Variants in EVL observed in about 807,000 individuals in gnomAD.
EVL encodes Enah/Vasp-like.
A neutral mutation model predicts 59.6 loss-of-function variants in EVL; 21 were observed. The ratio of observed to expected loss-of-function variants is 0.35; its 90% CI spans 0.25 to 0.51. EVL has a LOEUF of 0.51. EVL is among the 20% of genes least tolerant of loss of function. EVL has a pLI of 0.97. For missense variants in EVL, 462 were observed against 546.6 expected (o/e 0.85, Z 1.54); for synonymous variants, 198 against 203.5 (o/e 0.97, Z 0.23).
At chr14:99,996,354 G>A (rs1013363027) in intron 1 of EVL, among the ~76,000 whole-genome samples, 1 of 152,052 alleles carries the variant, frequency 6.6e-6, no homozygotes, top group Non-Finnish European at 1.5e-5. Context: ...GGAGGATCTG[G>A]TGTTTTCTAT....
At chr14:100,070,921 G>A (rs980447988) in intron 1 of EVL, among the ~76,000 whole-genome samples, 2 of 152,202 alleles carry the variant, frequency 1.3e-5, no homozygotes, top group South Asian at 2.1e-4. Flanking sequence ...TAACGTCCAC[G>A]TGGCTGTCAG....
Position 100,130,964 on chromosome 14 carries a change from G to T in EVL, c.839+1280G>T, listed in dbSNP as rs1333217452. ...CACAAAGGCGAATGGCTCCGTGGGT[G>T]AGAGAGCCGGGAGGGCTCGCAGAAC... On this transcript the variant is annotated intron_variant, in intron 7 of 13. Transcript: ENST00000392920. This position sits in a 1 kb window ranked among gnomAD's most constrained non-coding sequence, Gnocchi z 4.8. 6.6e-6 allele frequency among the ~76,000 whole-genome samples: 1 copy of T among 152,236 alleles called. No individual in the cohort carries two copies. The highest frequency in any genetic ancestry group is 1.5e-5 in the Non-Finnish European group (1 of 68,052).
chr14:100,043,727 C>T (rs1025302221), intron 1 of EVL, among the ~76,000 whole-genome samples: 2 of 151,826 alleles, frequency 1.3e-5, no homozygotes, highest in African/African-American at 2.4e-5. Context: ...ATCCTCCCAC[C>T]TCAGCCTCCC....
At chr14:100,030,777 T>C (rs969559207) in intron 1 of EVL, among the ~76,000 whole-genome samples, 23 of 152,246 alleles carry the variant, frequency 1.5e-4, no homozygotes, top group Non-Finnish European at 1.5e-5. Context: ...GTTTTCTGGC[T>C]AACTGTGATA....
chr14:100,039,816 C>T (rs1413583988), intron 1 of EVL, among the ~76,000 whole-genome samples: 2 of 151,848 alleles, frequency 1.3e-5, no homozygotes, highest in African/African-American at 4.8e-5. Context: ...GACAGGGTCT[C>T]GCTCTGTTAC....
intron 3 of EVL, among the ~76,000 whole-genome samples, chr14:100,123,229 G>A (rs1219954743): frequency 6.6e-6 from 1 of 152,172 alleles, no homozygotes; most frequent in Non-Finnish European, 1.5e-5. Flanking sequence ...CAAGAAGGTC[G>A]AAGCAGTGAG....
intron 3 of EVL, among the ~76,000 whole-genome samples, chr14:100,121,376 C>G (rs1887687397): frequency 6.6e-6 from 1 of 152,198 alleles, no homozygotes; most frequent in Non-Finnish European, 1.5e-5. Flanking sequence ...CACAGTTACC[C>G]TGGGTGACAT....
Position 100,128,570 on chromosome 14 carries a change from C to T in EVL, c.539C>T (p.Ser180Leu). Residue 180 changes from serine (S) to leucine (L), a missense_variant, in exon 6 of 14, where the codon TCA becomes TTA. Ser to Leu is a moderately radical substitution (Grantham distance 145). Transcript: ENST00000392920. Reference sequence around the variant, plus strand: ...TCATCTGCAGCCAGCGCCCCCGTCTCATGTAGTGGGCCTCCACCGCCCCCC... The same window carrying T: ...TCATCTGCAGCCAGCGCCCCCGTCTTATGTAGTGGGCCTCCACCGCCCCCC... ...HPSSAASAPV[S>L]CSGPPPPPPP... The T allele has an allele frequency of 6.2e-7, 1 of 1,609,348 alleles. No individual in the cohort carries two copies. Among genetic ancestry groups the T allele is most frequent in the South Asian group, 1.1e-5 (1 of 90,904 alleles).
chr14:100,143,544 T>C (rs564133455), intron 13 of EVL, among the ~76,000 whole-genome samples, 157 bp from the exon 14 acceptor site: 9 of 152,246 alleles, frequency 5.9e-5, no homozygotes, highest in East Asian at 5.8e-4. Context: ...CCTTTGGTCA[T>C]CACCCCAGAG....
At chr14:99,982,246 A>G (rs974746506) in intron 1 of EVL, among the ~76,000 whole-genome samples, 8 of 152,196 alleles carry the variant, frequency 5.3e-5, no homozygotes, top group African/African-American at 1.9e-4. Context: ...TACATTTGAT[A>G]TATGTGCACT....
chr14:100,124,454 C>T (rs1887900374), intron 4 of EVL, among the ~76,000 whole-genome samples: 1 of 152,248 alleles, frequency 6.6e-6, no homozygotes, highest in Non-Finnish European at 1.5e-5. Context: ...AGTTCCTGCT[C>T]CAAGCCTCCG....
intron 3 of EVL, among the ~76,000 whole-genome samples, chr14:100,116,683 A>T (rs1191623549): frequency 1.3e-5 from 2 of 152,252 alleles, no homozygotes; most frequent in African/African-American, 4.8e-5. Flanking sequence ...GATGGATCGC[A>T]GAGCAGGGAT....
chr14:100,027,380 AT>A (rs1300438297), intron 1 of EVL, among the ~76,000 whole-genome samples: 2 of 152,106 alleles, frequency 1.3e-5, no homozygotes, highest in Non-Finnish European at 2.9e-5. Context: ...GTACCCACTA[AT>A]TATCCCTCTT....
At chr14:100,107,527 C>T in intron 3 of EVL, 1 of 384,750 alleles carries the variant, frequency 2.6e-6, no homozygotes, top group Non-Finnish European at 4.6e-6. Flanking sequence ...GCCCAACGTT[C>T]CTCCACTAGC....
At chr14:100,000,780 A>G (rs907777338) in intron 1 of EVL, among the ~76,000 whole-genome samples, 3 of 152,256 alleles carry the variant, frequency 2.0e-5, no homozygotes, top group South Asian at 4.1e-4. Context: ...CCTTTTGCTT[A>G]GTGAATTTGG....
In EVL at chr14:100,050,531, A is replaced by G. The variant is rs184420804; in HGVS notation, c.6-34156A>G. 1.6e-4 allele frequency among the ~76,000 whole-genome samples: 24 copies of G among 151,862 alleles called. No individual in the cohort carries two copies. The East Asian group carries it at 3.1e-3, about 20-fold the overall frequency. ...CACCCAGCTAATTTATTGTATTTTT[A>G]GTAGAGACGGGGTTTCACCGTGGTC... On this transcript the variant is annotated intron_variant, in intron 1 of 13. Transcript: ENST00000402714.
rs1566721273 is a variant in EVL, at chr14:100,127,948, C to T, written c.488-571C>T. Among the ~76,000 whole-genome samples the T allele has an allele frequency of 6.6e-6, 1 of 152,240 alleles. No individual in the cohort carries two copies. The highest frequency in any genetic ancestry group is 1.5e-5 in the Non-Finnish European group (1 of 68,038). ...TTTTCCTCAGCACCATACCCAGCACCTAGCACAGTGCCTGGCACAAAACAG... is the reference window on the plus strand; with the variant it reads ...TTTTCCTCAGCACCATACCCAGCACTTAGCACAGTGCCTGGCACAAAACAG... On this transcript the variant is annotated intron_variant, in intron 5 of 13. Transcript: ENST00000392920. The surrounding 1 kb of genome is among the most constrained non-coding windows in gnomAD (Gnocchi z 4.2).
At chr14:100,101,510 A>G (rs1886222293) in intron 3 of EVL, among the ~76,000 whole-genome samples, 1 of 151,568 alleles carries the variant, frequency 6.6e-6, no homozygotes, top group African/African-American at 2.4e-5. Context: ...GGGTGTGGTG[A>G]CGCATGCCTA....
intron 3 of EVL, among the ~76,000 whole-genome samples, chr14:100,116,634 C>T (rs1004894005): frequency 1.3e-5 from 2 of 152,120 alleles, no homozygotes; most frequent in Admixed American, 6.5e-5. Flanking sequence ...GGAGCCACAC[C>T]GCTCCCTGCC....
Sources: gnomAD v4.1 joint callset for allele counts (sites outside exome capture counted in the v4.1 genomes callset) on GRCh38, gnomAD v4.1.1 for gene constraint, Gnocchi (gnomAD v3.1) non-coding constraint, MANE v1.5 for transcripts, NCBI Gene and HGNC (gene_info 2026-07-23, HGNC 2026-07-21) for gene names.